Variants in AGBL1 observed in about 807,000 individuals in gnomAD.
The protein encoded by AGBL1 is AGBL carboxypeptidase 1.
In AGBL1, 130 loss-of-function variants were observed where a neutral mutation model predicts 118.9. The observed-to-expected ratio is 1.09, with a 90% confidence interval of 0.95 to 1.26. The LOEUF (loss-of-function observed/expected upper bound fraction) is 1.26, where lower values mean the gene tolerates loss of function less well. AGBL1 is among the 50% of genes most tolerant of loss of function. The probability of loss-of-function intolerance (pLI) is 0.00; values close to 1 mark genes in which losing one functional copy is unlikely to be tolerated. For missense variants in AGBL1, 1,584 were observed against 1,298.1 expected (o/e 1.22, Z -3.38); for synonymous variants, 555 against 478.9 (o/e 1.16, Z -2.08).
intron 18 of AGBL1, among the ~76,000 whole-genome samples, chr15:86,414,251 T>C (rs4489972): frequency 0.67 from 101,709 of 152,046 alleles, 36,156 homozygotes; most frequent in African/African-American, 0.91. Flanking sequence ...GTGATAGGTA[T>C]ACTAGAAACC....
intron 22 of AGBL1, among the ~76,000 whole-genome samples, chr15:86,770,655 T>C (rs1024500598): frequency 1.3e-5 from 2 of 151,810 alleles, no homozygotes; most frequent in Non-Finnish European, 2.9e-5. Flanking sequence ...AGCTGAACTT[T>C]AAAGGACAAT....
intron 22 of AGBL1, among the ~76,000 whole-genome samples, chr15:86,843,088 C>T (rs894634604): frequency 3.2e-4 from 49 of 152,148 alleles, no homozygotes; most frequent in African/African-American, 1.1e-3. Context: ...GAGTGGCTCT[C>T]ACTCAAAACT....
intron 23 of AGBL1, among the ~76,000 whole-genome samples, chr15:86,987,267 CATT>C (rs2081294995): frequency 6.6e-6 from 1 of 152,126 alleles, no homozygotes; most frequent in African/African-American, 2.4e-5. Flanking sequence ...CAGTTGACAT[CATT>C]GTCAGTGGTG....
At chr15:86,143,314 C>T (rs2076988549) in intron 2 of AGBL1, among the ~76,000 whole-genome samples, 1 of 152,114 alleles carries the variant, frequency 6.6e-6, no homozygotes, top group African/African-American at 2.4e-5. Context: ...ACAGAAGATT[C>T]AAATGTATAG....
At chr15:86,439,246 C>G (rs113471349) in intron 18 of AGBL1, among the ~76,000 whole-genome samples, 2 of 152,072 alleles carry the variant, frequency 1.3e-5, no homozygotes, top group African/African-American at 4.8e-5. Context: ...GTGTTATCTG[C>G]CAATATTTAA....
intron 17 of AGBL1, among the ~76,000 whole-genome samples, chr15:86,393,232 A>C (rs757716530): frequency 7.9e-5 from 12 of 152,198 alleles, no homozygotes; most frequent in African/African-American, 2.7e-4. Flanking sequence ...CAATGGAAAG[A>C]GACACATTGT....
intron 22 of AGBL1, among the ~76,000 whole-genome samples, chr15:86,890,552 T>C (rs1236799759): frequency 6.6e-6 from 1 of 151,912 alleles, no homozygotes; most frequent in African/African-American, 2.4e-5. Flanking sequence ...CTTTAGCCCA[T>C]CTTAATTTCT....
chr15:86,384,409 A>G (rs1252185578), intron 17 of AGBL1, among the ~76,000 whole-genome samples: 1 of 152,172 alleles, frequency 6.6e-6, no homozygotes, highest in African/African-American at 2.4e-5. Context: ...GGTGCACAGC[A>G]TCTGTCTGCA....
At chr15:86,566,174 C>T (rs1013756372) in intron 21 of AGBL1, among the ~76,000 whole-genome samples, 4 of 152,138 alleles carry the variant, frequency 2.6e-5, no homozygotes, top group Admixed American at 6.5e-5. Context: ...GAGATGAACC[C>T]GGTACCTCAG....
At chr15:86,720,783 C>G (rs11073657) in intron 22 of AGBL1, among the ~76,000 whole-genome samples, 1 of 152,092 alleles carries the variant, frequency 6.6e-6, no homozygotes, top group East Asian at 1.9e-4. Context: ...AAAAGAAGAA[C>G]CAAATAGACA....
intron 22 of AGBL1, among the ~76,000 whole-genome samples, chr15:86,680,356 T>A (rs2085930319): frequency 6.6e-6 from 1 of 152,018 alleles, no homozygotes; most frequent in African/African-American, 2.4e-5. Flanking sequence ...TTTTTGCATA[T>A]TAATACATAT....
chr15:86,749,645 G>T (rs1596445797), intron 22 of AGBL1, among the ~76,000 whole-genome samples: 1 of 152,080 alleles, frequency 6.6e-6, no homozygotes, highest in Non-Finnish European at 1.5e-5. Context: ...TTGGCTGTGG[G>T]TTTGTCATAA....
At chr15:86,759,852 C>CA (rs2077999152) in intron 22 of AGBL1, among the ~76,000 whole-genome samples, 1 of 152,120 alleles carries the variant, frequency 6.6e-6, no homozygotes, top group Non-Finnish European at 1.5e-5. Flanking sequence ...TTAAAAATCA[C>CA]AAACACTCCC....
At chr15:86,826,747 G>A (rs963467345) in intron 22 of AGBL1, among the ~76,000 whole-genome samples, 10 of 152,146 alleles carry the variant, frequency 6.6e-5, no homozygotes, top group African/African-American at 2.4e-4. Context: ...GCATTGTTGA[G>A]AAGTTCAGTG....
chr15:86,323,441 T>C (rs1325130783), intron 17 of AGBL1, among the ~76,000 whole-genome samples: 1 of 152,128 alleles, frequency 6.6e-6, no homozygotes, highest in Admixed American at 6.5e-5. Flanking sequence ...ACTAACTTCA[T>C]TCTAAGGTGG....
intron 17 of AGBL1, among the ~76,000 whole-genome samples, chr15:86,393,488 G>A (rs1447996818): frequency 6.6e-6 from 1 of 152,164 alleles, no homozygotes; most frequent in Non-Finnish European, 1.5e-5. Context: ...TGGAATTATA[G>A]AACCGAAAAT....
chr15:86,831,067 A>G (rs561778394), intron 22 of AGBL1, among the ~76,000 whole-genome samples: 9 of 152,302 alleles, frequency 5.9e-5, no homozygotes, highest in East Asian at 5.8e-4. Flanking sequence ...GAGCATGTGC[A>G]GGAGACCTCT....
intron 18 of AGBL1, among the ~76,000 whole-genome samples, chr15:86,453,589 T>A (rs762047346): frequency 1.3e-5 from 2 of 152,218 alleles, no homozygotes; most frequent in Non-Finnish European, 2.9e-5. Context: ...ACTGCTGCAG[T>A]TACCAGCAAA....
intron 22 of AGBL1, among the ~76,000 whole-genome samples, chr15:86,874,220 G>A (rs543017945): frequency 6.6e-6 from 1 of 152,082 alleles, no homozygotes; most frequent in Admixed American, 6.6e-5. Flanking sequence ...ATTCCACAGG[G>A]CATGGTAACT....
Sources: gnomAD v4.1 joint callset for allele counts (sites outside exome capture counted in the v4.1 genomes callset) on GRCh38, gnomAD v4.1.1 for gene constraint, MANE v1.5 for transcripts, NCBI Gene and HGNC (gene_info 2026-07-23, HGNC 2026-07-21) for gene names.